KIRREL3: variants seen among roughly 807,000 people sequenced by gnomAD.
KIRREL3 encodes the protein kin of IRRE-like protein 3.
Under a neutral mutation model 89.7 loss-of-function variants are expected in KIRREL3, and 36 were observed. The observed-to-expected ratio is 0.40, with a 90% CI of 0.31 to 0.53. KIRREL3 has a LOEUF of 0.53. Among genes scored for constraint, KIRREL3 ranks in the 20% least tolerant of loss-of-function variants. The probability of loss-of-function intolerance (pLI) is 0.49; values close to 1 mark genes in which losing one functional copy is unlikely to be tolerated. For synonymous variants in KIRREL3, 445 were observed against 441.4 expected (o/e 1.01, Z -0.10); for missense variants, 864 against 1,056.6 (o/e 0.82, Z 2.53).
At position 126,970,316 on chromosome 11, in the gene KIRREL3, C is replaced by T. The variant is rs1425377011; in HGVS notation, c.55+30139G>A. Among the ~76,000 whole-genome samples, 3 of 151,818 alleles carry T rather than the reference C, an allele frequency of 2.0e-5. No homozygotes were observed. The highest frequency in any genetic ancestry group is 2.9e-5 in the Non-Finnish European group (2 of 68,010). The stretch of plus-strand genomic sequence containing the variant: ...TCTCTTCTTTTCCTTCTTTTCTTCC[C>T]TTTCTTTTCTCTCTCACATTATCTT... On this transcript the variant is annotated intron_variant, in intron 1 of 16. Coordinates refer to ENST00000525144, the MANE Select transcript of KIRREL3 (RefSeq NM_032531.4). This position sits in a 1 kb window ranked among gnomAD's most constrained non-coding sequence, Gnocchi z 4.4.
chr11:126,464,673 TTGGAGGGA>T (rs920307782), intron 5 of KIRREL3, among the ~76,000 whole-genome samples: 1 of 151,530 alleles, frequency 6.6e-6, no homozygotes, highest in Non-Finnish European at 1.5e-5. Context: ...GAGGCAGAGA[TTGGAGGGA>T]TGCTGCCACA....
chr11:126,901,948 A>G (rs534097429), intron 1 of KIRREL3, among the ~76,000 whole-genome samples: 1 of 152,304 alleles, frequency 6.6e-6, no homozygotes, highest in Non-Finnish European at 1.5e-5. Flanking sequence ...GGCTTCGGGC[A>G]CACCCCAACT....
rs1413433674 is a variant in KIRREL3, at chr11:126,999,984, C to T, written c.55+471G>A. ...CAACCCCCTTTTCAACGGTGCAAAC[C>T]ACACACATTCGCTTTTGAATACACT... On this transcript the variant is annotated intron_variant, in intron 1 of 16. Coordinates refer to ENST00000525144, the MANE Select transcript of KIRREL3 (RefSeq NM_032531.4). This position sits in a 1 kb window ranked among gnomAD's most constrained non-coding sequence, Gnocchi z 5.7. 2.0e-5 allele frequency among the ~76,000 whole-genome samples: 3 copies of T among 152,084 alleles called. No individual in the cohort carries two copies. The highest frequency in any genetic ancestry group is 2.0e-4 in the Admixed American group (3 of 15,266).
rs950574337 is a variant in KIRREL3 at position 126,976,139 on chromosome 11, C to T, written c.55+24316G>A. 8.6e-5 allele frequency among the ~76,000 whole-genome samples: 13 copies of T among 151,980 alleles called. No homozygotes were observed. Among genetic ancestry groups the T allele is most frequent in the Admixed American group, 7.2e-4 (11 of 15,262 alleles). On this transcript the variant is annotated intron_variant, in intron 1 of 16. Transcript: ENST00000525144. This position sits in a 1 kb window ranked among gnomAD's most constrained non-coding sequence, Gnocchi z 4.2. ...GGATGCTGAGAAGCACATTATTTGT[C>T]ACCATGCCACATTGTTAGCTCATAT...
intron 1 of KIRREL3, among the ~76,000 whole-genome samples, chr11:126,927,308 C>A (rs1487435739): frequency 1.3e-5 from 2 of 152,318 alleles, no homozygotes; most frequent in African/African-American, 4.8e-5. Context: ...ACTTGATACA[C>A]AGTGGTTACT....
chr11:126,437,717 T>C (rs1955410938), intron 11 of KIRREL3, among the ~76,000 whole-genome samples: 1 of 151,806 alleles, frequency 6.6e-6, no homozygotes, highest in Non-Finnish European at 1.5e-5. Flanking sequence ...CTCCCCGAAA[T>C]ACATGTACAC....
At chr11:126,825,165 G>A (rs984524486) in intron 1 of KIRREL3, among the ~76,000 whole-genome samples, 1 of 152,106 alleles carries the variant, frequency 6.6e-6, no homozygotes, top group African/African-American at 2.4e-5. Flanking sequence ...GTAGCTACAG[G>A]TAATGTGGCT....
In KIRREL3 at chr11:126,639,789, T is replaced by C. The variant is rs1270314161; in HGVS notation, c.56-76877A>G. Among the ~76,000 whole-genome samples, 4 of 152,190 alleles carry C rather than the reference T, an allele frequency of 2.6e-5. No homozygotes were observed. In the East Asian group the frequency reaches 5.8e-4, roughly 22 times the overall value. Reference sequence around the variant, plus strand: ...TTGAGCCACTAGGATTCTTGTGAAATAGACACAAGAAGGAGCTAAACTCAT... The same window carrying C: ...TTGAGCCACTAGGATTCTTGTGAAACAGACACAAGAAGGAGCTAAACTCAT... On this transcript the variant is annotated intron_variant, in intron 1 of 16. Transcript: ENST00000525144. The surrounding 1 kb of genome is among the most constrained non-coding windows in gnomAD (Gnocchi z 4.3).
chr11:126,465,527 C>T (rs988151079), intron 5 of KIRREL3, among the ~76,000 whole-genome samples: 3 of 152,196 alleles, frequency 2.0e-5, no homozygotes, highest in Non-Finnish European at 4.4e-5. Flanking sequence ...GTCCTTAATT[C>T]AGTGAGGTTT....
intron 2 of KIRREL3, among the ~76,000 whole-genome samples, chr11:126,547,606 C>T (rs1938912120): frequency 6.6e-6 from 1 of 152,178 alleles, no homozygotes; most frequent in African/African-American, 2.4e-5. Flanking sequence ...CCTCTCTTTC[C>T]CTCTGGGCAG....
chr11:126,616,625 C>A (rs1235290803), intron 1 of KIRREL3, among the ~76,000 whole-genome samples: 1 of 152,206 alleles, frequency 6.6e-6, no homozygotes, highest in Non-Finnish European at 1.5e-5. Context: ...GATGAGAAGA[C>A]TGAGGCTCAC....
intron 2 of KIRREL3, among the ~76,000 whole-genome samples, chr11:126,533,923 C>T (rs928052295): frequency 6.6e-6 from 1 of 152,176 alleles, no homozygotes; most frequent in African/African-American, 2.4e-5. Context: ...GTCCTGAACA[C>T]CAGGCCGCAG....
At position 126,563,036 on chromosome 11, in the gene KIRREL3, C is replaced by T. The variant is rs1057310551; in HGVS notation, c.56-124G>A. 2.1e-4 allele frequency: 121 copies of T among 581,312 alleles called. No homozygotes were observed. The highest frequency in any genetic ancestry group is 3.4e-4 in the Non-Finnish European group (113 of 331,314). The allele number at this position is 581,312 out of a possible 1,614,324, so 36.0% of individuals were successfully genotyped here. A position where few individuals can be genotyped will look rare whatever the true frequency, so the allele number is the denominator to read the frequency against. On this transcript the variant is annotated intron_variant, in intron 1 of 16. Transcript: ENST00000525144. This position sits in a 1 kb window ranked among gnomAD's most constrained non-coding sequence, Gnocchi z 6.8. ...AACAGAGGTGCTTTTGTTTAGCCAA[C>T]ATTTATATGGAAATTGTTATGTTCC...
chr11:126,518,973 G>A (rs536137526), intron 4 of KIRREL3, among the ~76,000 whole-genome samples: 1 of 152,370 alleles, frequency 6.6e-6, no homozygotes, highest in Admixed American at 6.5e-5. Flanking sequence ...GGTTTTGGTG[G>A]AGCTGCCTGA....
At chr11:126,633,742 A>T (rs1163039968) in intron 1 of KIRREL3, among the ~76,000 whole-genome samples, 3 of 152,232 alleles carry the variant, frequency 2.0e-5, no homozygotes, top group African/African-American at 7.2e-5. Context: ...CAGCAATGAA[A>T]AGGGTCTAAG....
At chr11:126,966,585 TGTTA>T (rs1220990207) in intron 1 of KIRREL3, among the ~76,000 whole-genome samples, 2 of 152,174 alleles carry the variant, frequency 1.3e-5, no homozygotes, top group Non-Finnish European at 2.9e-5. Context: ...GTGCCTGACG[TGTTA>T]GTTCTGTCTG....
rs971403348 is a variant in KIRREL3, at chr11:126,477,223, G to C, written c.434-3757C>G. Among the ~76,000 whole-genome samples the C allele has an allele frequency of 6.6e-6, 1 of 152,224 alleles. No homozygotes were observed. The highest frequency in any genetic ancestry group is 1.5e-5 in the Non-Finnish European group (1 of 68,042). On this transcript the variant is annotated intron_variant, in intron 4 of 16. Transcript: ENST00000525144. The surrounding 1 kb of genome is among the most constrained non-coding windows in gnomAD (Gnocchi z 4.8). ...GAAACACATCATCGCGGGATGCTGA[G>C]CTCTTTACAGTTTACTCTCCCATTG...
rs1944619312 is a variant in KIRREL3 at position 126,645,177 on chromosome 11, C to A, written c.56-82265G>T. Among the ~76,000 whole-genome samples the A allele has an allele frequency of 6.6e-6, 1 of 152,118 alleles. No individual in the cohort carries two copies. Among genetic ancestry groups the A allele is most frequent in the Non-Finnish European group, 1.5e-5 (1 of 68,020 alleles). On this transcript the variant is annotated intron_variant, in intron 1 of 16. Coordinates refer to ENST00000525144, the MANE Select transcript of KIRREL3 (RefSeq NM_032531.4). The surrounding 1 kb of genome is among the most constrained non-coding windows in gnomAD (Gnocchi z 4.9). ...AAAGCTGGAGGAAGATAGAGTGGGA[C>A]CAGAAAGTGAAGGGATGCAGACTGA...
At position 126,687,811 on chromosome 11, in the gene KIRREL3, C is replaced by T. The variant is rs185338549; in HGVS notation, c.56-124899G>A. On this transcript the variant is annotated intron_variant, in intron 1 of 16. Transcript: ENST00000525144. The surrounding 1 kb of genome is among the most constrained non-coding windows in gnomAD (Gnocchi z 4.6). ...AGGTAATGACAGGCAAAGAGAGATGCGGTGAAATGGCCATGGGAGCACAGC... is the reference window on the plus strand; with the variant it reads ...AGGTAATGACAGGCAAAGAGAGATGTGGTGAAATGGCCATGGGAGCACAGC... 2.0e-3 allele frequency among the ~76,000 whole-genome samples: 306 copies of T among 152,234 alleles called. 1 individual carries two copies. The highest frequency in any genetic ancestry group is 6.7e-3 in the African/African-American group (280 of 41,564).
Sources: allele counts gnomAD v4.1 joint callset (sites outside exome capture counted in the v4.1 genomes callset), GRCh38; gene constraint gnomAD v4.1.1; non-coding constraint Gnocchi (gnomAD v3.1); transcripts MANE v1.5; gene names NCBI Gene and HGNC (gene_info 2026-07-23, HGNC 2026-07-21).